MAPK4: variants seen among roughly 807,000 people sequenced by gnomAD.
MAPK4 encodes the protein mitogen-activated protein kinase 4.
A neutral mutation model predicts 47.7 loss-of-function variants in MAPK4; 22 were observed. The observed-to-expected ratio is 0.46, with a 90% CI of 0.33 to 0.66. The LOEUF is 0.66. Among genes scored for constraint, MAPK4 ranks in the 30% least tolerant of loss-of-function variants. MAPK4 has a pLI of 0.02. For synonymous variants in MAPK4, 390 were observed against 365.7 expected (o/e 1.07, Z -0.76); for missense variants, 736 against 831.7 (o/e 0.88, Z 1.42).
At chr18:50,572,749 A>G (rs2042260920) in intron 1 of MAPK4, among the ~76,000 whole-genome samples, 1 of 152,210 alleles carries the variant, frequency 6.6e-6, no homozygotes, top group Admixed American at 6.5e-5. Context: ...AACAAACAAC[A>G]GTGTTTTGCT....
chr18:50,589,451 C>T (rs2042416312), intron 1 of MAPK4, among the ~76,000 whole-genome samples: 1 of 152,068 alleles, frequency 6.6e-6, no homozygotes, highest in Non-Finnish European at 1.5e-5. Flanking sequence ...AAAAAATTAG[C>T]CGAGCGTGGT....
chr18:50,626,443 G>C (rs1012126139), intron 1 of MAPK4, among the ~76,000 whole-genome samples: 1 of 152,144 alleles, frequency 6.6e-6, no homozygotes, highest in East Asian at 1.9e-4. Flanking sequence ...TGCACACTGA[G>C]CCTCAGCGTG....
chr18:50,682,370 T>C (rs962709745), intron 2 of MAPK4, among the ~76,000 whole-genome samples: 5 of 152,238 alleles, frequency 3.3e-5, no homozygotes, highest in African/African-American at 1.2e-4. Context: ...ATTCTACCGC[T>C]ATTTAGGAAA....
chr18:50,561,279 G>A (rs2045531), intron 1 of MAPK4, among the ~76,000 whole-genome samples: 61,649 of 152,164 alleles, frequency 0.41, 13,406 homozygotes, highest in Non-Finnish European at 0.49. Flanking sequence ...TGCCTGGGTT[G>A]AGGAGTGTCC....
intron 1 of MAPK4, among the ~76,000 whole-genome samples, chr18:50,582,025 T>TC (rs2042350589): frequency 6.6e-6 from 1 of 152,192 alleles, no homozygotes; most frequent in Admixed American, 6.5e-5. Context: ...GCCCTTTCCT[T>TC]CCACTGGGCC....
At chr18:50,667,775 T>A (rs1907688072) in intron 2 of MAPK4, among the ~76,000 whole-genome samples, 1 of 152,186 alleles carries the variant, frequency 6.6e-6, no homozygotes, top group African/African-American at 2.4e-5. Context: ...CCCAGAAGAC[T>A]TCTGTGACCT....
At chr18:50,624,638 T>G (rs2042760516) in intron 1 of MAPK4, among the ~76,000 whole-genome samples, 1 of 152,258 alleles carries the variant, frequency 6.6e-6, no homozygotes. Context: ...TTTGTTTTTC[T>G]TTTCTTTATT....
intron 1 of MAPK4, among the ~76,000 whole-genome samples, chr18:50,619,338 A>T (rs74770790): frequency 6.6e-6 from 1 of 152,030 alleles, no homozygotes; most frequent in South Asian, 2.1e-4. Context: ...TTTATTTTAG[A>T]GACAAGGTCT....
At chr18:50,644,458 G>A (rs1165175679) in intron 1 of MAPK4, among the ~76,000 whole-genome samples, 1 of 152,068 alleles carries the variant, frequency 6.6e-6, no homozygotes, top group Non-Finnish European at 1.5e-5. Context: ...CCTAGAGCAG[G>A]GAGAACAGAC....
At chr18:50,649,575 G>C (rs866902323) in intron 1 of MAPK4, among the ~76,000 whole-genome samples, 3 of 152,240 alleles carry the variant, frequency 2.0e-5, no homozygotes, top group African/African-American at 7.2e-5. Context: ...TTACCTCTTC[G>C]TGTGTGTTCC....
intron 2 of MAPK4, among the ~76,000 whole-genome samples, chr18:50,673,218 CG>C (rs1207867369): frequency 2.6e-5 from 4 of 152,178 alleles, no homozygotes; most frequent in African/African-American, 9.6e-5. Context: ...CAGAGGTTGC[CG>C]TGAGCCGAGA....
chr18:50,587,776 T>C (rs888995285), intron 1 of MAPK4, among the ~76,000 whole-genome samples: 4 of 152,236 alleles, frequency 2.6e-5, no homozygotes, highest in Non-Finnish European at 5.9e-5. Context: ...TTGCCCAGGC[T>C]GTAGTGCAGT....
intron 1 of MAPK4, among the ~76,000 whole-genome samples, chr18:50,611,242 A>G (rs2042630537): frequency 6.6e-6 from 1 of 152,216 alleles, no homozygotes; most frequent in Non-Finnish European, 1.5e-5. Flanking sequence ...AACCTCCAAT[A>G]TACTCACTTA....
chr18:50,726,942 T>G (rs1568100708), intron 5 of MAPK4, among the ~76,000 whole-genome samples: 1 of 152,102 alleles, frequency 6.6e-6, no homozygotes, highest in Admixed American at 6.6e-5. Flanking sequence ...GTTAAGAGAC[T>G]GGCATCATGT....
chr18:50,559,907 G>A (rs1028674639), upstream of MAPK4, among the ~76,000 whole-genome samples: 14 of 151,322 alleles, frequency 9.3e-5, no homozygotes, highest in African/African-American at 3.4e-4. Flanking sequence ...GAGCGGCCTG[G>A]AGGCTGCGGG....
intron 1 of MAPK4, among the ~76,000 whole-genome samples, chr18:50,595,794 A>G (rs2042476672): frequency 6.6e-6 from 1 of 152,236 alleles, no homozygotes; most frequent in Admixed American, 6.5e-5. Flanking sequence ...TTCTGCTTCT[A>G]TTAATGTAGA....
intron 1 of MAPK4, among the ~76,000 whole-genome samples, chr18:50,598,470 T>A (rs1323805734): frequency 6.6e-6 from 1 of 152,180 alleles, no homozygotes; most frequent in Non-Finnish European, 1.5e-5. Context: ...AAAAAAATCA[T>A]CTCAAGAACT....
Position 50,618,496 on chromosome 18 carries a change from C to T in MAPK4, c.-870-44593C>T, listed in dbSNP as rs181225074. 4.9e-4 allele frequency among the ~76,000 whole-genome samples: 74 copies of T among 152,150 alleles called. 1 individual carries two copies. The highest frequency in any genetic ancestry group is 2.1e-4 in the South Asian group (1 of 4,816). ...CACAGCTTTTAAAAAACAGTTCCAC[C>T]GTAAAAATGTATATATAAAATCTGG... On this transcript the variant is annotated intron_variant, in intron 1 of 5. Coordinates refer to ENST00000400384, the MANE Select transcript of MAPK4 (RefSeq NM_002747.4).
At chr18:50,577,421 C>T (rs747051269) in intron 1 of MAPK4, among the ~76,000 whole-genome samples, 6 of 152,018 alleles carry the variant, frequency 3.9e-5, no homozygotes, top group East Asian at 3.9e-4. Context: ...TCATCTGGGG[C>T]GTTTTTAAAA....
Sources: allele counts gnomAD v4.1 joint callset (sites outside exome capture counted in the v4.1 genomes callset), GRCh38; gene constraint gnomAD v4.1.1; transcripts MANE v1.5; gene names NCBI Gene and HGNC (gene_info 2026-07-23, HGNC 2026-07-21).